Variants in WWOX observed in about 807,000 individuals in gnomAD.
WWOX encodes the protein WW domain containing oxidoreductase.
In WWOX, 69 loss-of-function variants were observed where a neutral mutation model predicts 46.2. The ratio of observed to expected loss-of-function variants is 1.49; its 90% confidence interval spans 1.23 to 1.82. WWOX has a LOEUF of 1.82. WWOX is among the 40% of genes most tolerant of loss of function. WWOX has a pLI of 0.00. For missense variants in WWOX, 919 were observed against 542.6 expected, an observed-to-expected ratio of 1.69 and a Z score of -6.89; for synonymous variants, 359 against 202.6, an observed-to-expected ratio of 1.77 and a Z score of -6.56.
At chr16:78,718,088 G>T (rs1056468865) in intron 8 of WWOX, among the ~76,000 whole-genome samples, 2 of 58,152 alleles carry the variant, frequency 3.4e-5, no homozygotes, top group Admixed American at 3.2e-4. Context: ...AAGGGGTTCT[G>T]GTGGTTGTAT....
At chr16:79,141,348 A>T (rs1432719751) in intron 8 of WWOX, among the ~76,000 whole-genome samples, 1 of 152,094 alleles carries the variant, frequency 6.6e-6, no homozygotes, top group Middle Eastern at 3.2e-3. Flanking sequence ...GTACAACCAA[A>T]CTGTGCTCTG....
At chr16:78,187,474 G>GCACCCGTA (rs1567619368) in intron 5 of WWOX, among the ~76,000 whole-genome samples, 1 of 152,172 alleles carries the variant, frequency 6.6e-6, no homozygotes, top group African/African-American at 2.4e-5. Context: ...GTGGTGGTGT[G>GCACCCGTA]CACCCGTAGT....
intron 8 of WWOX, among the ~76,000 whole-genome samples, chr16:78,908,771 C>G (rs901535936): frequency 6.6e-6 from 1 of 152,020 alleles, no homozygotes. Flanking sequence ...AGCCACAAGA[C>G]CATATGAGTC....
chr16:78,324,452 A>G (rs536806792), intron 5 of WWOX, among the ~76,000 whole-genome samples: 2 of 152,138 alleles, frequency 1.3e-5, no homozygotes, highest in Non-Finnish European at 2.9e-5. Flanking sequence ...ATCAAAGAGA[A>G]ATGAAAACAT....
At chr16:78,757,687 CATTTT>C (rs1340326968) in intron 8 of WWOX, among the ~76,000 whole-genome samples, 9 of 151,638 alleles carry the variant, frequency 5.9e-5, no homozygotes, top group African/African-American at 1.5e-4. Context: ...CACATAAACA[CATTTT>C]ATTTATATAA....
At chr16:78,759,740 A>T (rs953403986) in intron 8 of WWOX, among the ~76,000 whole-genome samples, 5 of 152,172 alleles carry the variant, frequency 3.3e-5, no homozygotes, top group Non-Finnish European at 7.3e-5. Flanking sequence ...GTTAGCACAA[A>T]TGCAGAGGCT....
chr16:78,180,658 C>T (rs2035502779), intron 5 of WWOX, among the ~76,000 whole-genome samples: 1 of 151,932 alleles, frequency 6.6e-6, no homozygotes, highest in African/African-American at 2.4e-5. Flanking sequence ...GTAAACCCAG[C>T]CGCACCGGAG....
At chr16:78,970,365 C>A (rs1258167046) in intron 8 of WWOX, among the ~76,000 whole-genome samples, 1 of 152,180 alleles carries the variant, frequency 6.6e-6, no homozygotes, top group African/African-American at 2.4e-5. Flanking sequence ...TTTTGAATAA[C>A]ATCAATTAGC....
chr16:78,747,793 C>G (rs1358603075), intron 8 of WWOX, among the ~76,000 whole-genome samples: 1 of 152,208 alleles, frequency 6.6e-6, no homozygotes, highest in Non-Finnish European at 1.5e-5. Context: ...ATGGATTGCT[C>G]AACATACCAG....
At chr16:78,699,553 C>G (rs558546230) in intron 8 of WWOX, among the ~76,000 whole-genome samples, 2 of 151,980 alleles carry the variant, frequency 1.3e-5, no homozygotes, top group African/African-American at 2.4e-5. Flanking sequence ...AACCGAAAAA[C>G]GAAAGAAAAA....
At chr16:78,578,457 T>C (rs2044960661) in intron 8 of WWOX, among the ~76,000 whole-genome samples, 1 of 150,356 alleles carries the variant, frequency 6.7e-6, no homozygotes, top group African/African-American at 2.4e-5. Context: ...GCCTGGCTAA[T>C]TTTATGTATT....
chr16:78,275,496 A>C (rs61002750), intron 5 of WWOX, among the ~76,000 whole-genome samples: 2,079 of 152,336 alleles, frequency 0.014, 52 homozygotes, highest in African/African-American at 0.048. Context: ...GTATGTGCTG[A>C]GGATCTCTTT....
chr16:78,695,378 T>A (rs998572642), intron 8 of WWOX, among the ~76,000 whole-genome samples: 1 of 152,160 alleles, frequency 6.6e-6, no homozygotes, highest in African/African-American at 2.4e-5. Context: ...AAACAATGAA[T>A]GAGTTTTTGC....
At chr16:78,183,874 A>G (rs900441447) in intron 5 of WWOX, among the ~76,000 whole-genome samples, 2 of 152,174 alleles carry the variant, frequency 1.3e-5, no homozygotes, top group African/African-American at 4.8e-5. Flanking sequence ...ATTTTGTAGG[A>G]TGGTGACCGT....
chr16:79,021,156 TG>T (rs1567491617), intron 8 of WWOX, among the ~76,000 whole-genome samples: 1 of 152,174 alleles, frequency 6.6e-6, no homozygotes, highest in Non-Finnish European at 1.5e-5. Flanking sequence ...AATGAATTCG[TG>T]AATATGTTTA....
intron 1 of WWOX, among the ~76,000 whole-genome samples, chr16:78,105,108 G>A (rs117810795): frequency 0.02 from 3,044 of 152,316 alleles, 49 homozygotes; most frequent in Non-Finnish European, 0.029. Context: ...ACAGCTATGG[G>A]ACTGGGGTAT....
At chr16:78,828,026 A>T (rs181639731) in intron 8 of WWOX, among the ~76,000 whole-genome samples, 1 of 152,264 alleles carries the variant, frequency 6.6e-6, no homozygotes, top group Admixed American at 6.5e-5. Context: ...GGGTGTCAAG[A>T]GGTGCACATT....
intron 8 of WWOX, among the ~76,000 whole-genome samples, chr16:79,014,552 C>A (rs1049491620): frequency 6.6e-6 from 1 of 152,180 alleles, no homozygotes; most frequent in African/African-American, 2.4e-5. Flanking sequence ...ATGTTTTCAC[C>A]TGGAAGATTC....
chr16:78,973,683 C>T (rs1428866074), intron 8 of WWOX, among the ~76,000 whole-genome samples: 5 of 152,252 alleles, frequency 3.3e-5, no homozygotes, highest in South Asian at 4.2e-4. Context: ...GCTCTTTTAA[C>T]AAATGAAAGT....
Sources: allele counts gnomAD v4.1 joint callset (sites outside exome capture counted in the v4.1 genomes callset), GRCh38; gene constraint gnomAD v4.1.1; transcripts MANE v1.5; gene names NCBI Gene and HGNC (gene_info 2026-07-23, HGNC 2026-07-21).